TRDN: variants seen among roughly 807,000 people sequenced by gnomAD.
The protein encoded by TRDN is triadin in skeletal muscle.
A neutral mutation model predicts 149.7 loss-of-function variants in TRDN; 161 were observed. The ratio of observed to expected loss-of-function variants is 1.08; its 90% CI spans 0.95 to 1.23. TRDN has a LOEUF of 1.23. Among genes scored for constraint, TRDN ranks in the 50% most tolerant of loss-of-function variants. The pLI, the probability that TRDN is intolerant of heterozygous loss-of-function variation, is 0.00. For synonymous variants in TRDN, 294 were observed against 250.5 expected, an observed-to-expected ratio of 1.17 and a Z score of -1.64; for missense variants, 896 against 823.5, an observed-to-expected ratio of 1.09 and a Z score of -1.08.
intron 8 of TRDN, chr6:123,502,558 T>C (rs1165510252): frequency 1.4e-5 from 14 of 984,054 alleles, no homozygotes; most frequent in Non-Finnish European, 1.7e-5. Flanking sequence ...TACATGTGAA[T>C]CAAAGTTTAC....
intron 2 of TRDN, among the ~76,000 whole-genome samples, chr6:123,558,191 C>T (rs936720550): frequency 1.3e-5 from 2 of 152,016 alleles, no homozygotes; most frequent in African/African-American, 2.4e-5. Context: ...CTTTCCCTCC[C>T]GCCTGTCCCC....
At chr6:123,277,918 G>A (rs1263611976) in intron 26 of TRDN, among the ~76,000 whole-genome samples, 2 of 152,132 alleles carry the variant, frequency 1.3e-5, no homozygotes, top group East Asian at 3.8e-4. Flanking sequence ...ACAGTTGAGT[G>A]TTCTTTTGAA....
chr6:123,345,763 C>T (rs962952390), intron 21 of TRDN, among the ~76,000 whole-genome samples: 1 of 151,952 alleles, frequency 6.6e-6, no homozygotes, highest in Non-Finnish European at 1.5e-5. Context: ...AGGTCTTATA[C>T]ATAATTTAAA....
chr6:123,234,380 A>C (rs1020765201), intron 38 of TRDN, among the ~76,000 whole-genome samples: 1 of 152,122 alleles, frequency 6.6e-6, no homozygotes, highest in African/African-American at 2.4e-5. Flanking sequence ...ATATACACCC[A>C]TGTGTAGCCA....
intron 18 of TRDN, 84 bp from the exon 19 acceptor site, chr6:123,375,715 T>C: frequency 8.9e-7 from 1 of 1,128,846 alleles, no homozygotes. Flanking sequence ...GTTATCTTAA[T>C]TGTTTAAAGA....
At chr6:123,621,043 A>T (rs541817101) in intron 1 of TRDN, among the ~76,000 whole-genome samples, 202 of 152,204 alleles carry the variant, frequency 1.3e-3, no homozygotes, top group Non-Finnish European at 2.5e-3. Context: ...TTTTTTGTCC[A>T]CTGCTATTGG....
intron 1 of TRDN, 68 bp from the exon 2 acceptor site, chr6:123,571,200 C>G: frequency 6.6e-7 from 1 of 1,523,688 alleles, no homozygotes; most frequent in Non-Finnish European, 9.0e-7. Context: ...ATGAGAAACA[C>G]TGACTATATG....
chr6:123,388,467 G>T, intron 14 of TRDN, 55 bp downstream of exon 14: 2 of 1,557,444 alleles, frequency 1.3e-6, no homozygotes, highest in South Asian at 1.2e-5. Context: ...CCCAACTCAG[G>T]ATATTGGTAA....
At position 123,218,509 on chromosome 6, in the gene TRDN, T is replaced by C. The variant is rs1775023446; in HGVS notation, c.*92A>G. On this transcript the variant is annotated 3_prime_UTR_variant, in exon 41 of 41. Transcript: ENST00000334268. Reference sequence around the variant, plus strand: ...GCAAAATGTTTTCACAGAAATTCTCTGGGTTGCATATTCTTAATTGCCTGA... The same window carrying C: ...GCAAAATGTTTTCACAGAAATTCTCCGGGTTGCATATTCTTAATTGCCTGA... 2.8e-6 allele frequency: 4 copies of C among 1,434,704 alleles called. No individual in the cohort carries two copies. The highest frequency in any genetic ancestry group is 3.7e-6 in the Non-Finnish European group (4 of 1,068,748). The allele number at this position is 1,434,704 out of a possible 1,614,324, so 88.9% of individuals were successfully genotyped here.
rs573650078 is a variant in TRDN, at chr6:123,457,046, C to T, written c.931+7860G>A. On this transcript the variant is annotated intron_variant, in intron 10 of 40. Coordinates refer to ENST00000334268, the MANE Select transcript of TRDN (RefSeq NM_006073.4). ...AATTTGCTGACACAAGGAAGTTTCA[C>T]TTAGAATTCCATAACAAGAAAGAGA... Among the ~76,000 whole-genome samples, 20 of 152,314 alleles carry T rather than the reference C, an allele frequency of 1.3e-4. 1 individual carries two copies. In the East Asian group the frequency reaches 3.9e-3, roughly 29 times the overall value.
At chr6:123,616,029 TA>T (rs1785063791) in intron 1 of TRDN, among the ~76,000 whole-genome samples, 1 of 152,060 alleles carries the variant, frequency 6.6e-6, no homozygotes, top group African/African-American at 2.4e-5. Flanking sequence ...ATGTGTCAGT[TA>T]AAAATATATA....
intron 32 of TRDN, 130 bp downstream of exon 32, chr6:123,267,577 A>G (rs1362451405): frequency 3.6e-6 from 2 of 551,566 alleles, no homozygotes; most frequent in East Asian, 3.4e-5. Flanking sequence ...ACTAGATTAC[A>G]CTACAAAACC....
At chr6:123,288,642 T>C (rs550958081) in intron 24 of TRDN, among the ~76,000 whole-genome samples, 41 of 150,418 alleles carry the variant, frequency 2.7e-4, no homozygotes, top group African/African-American at 9.7e-4. Flanking sequence ...TTGACATTTC[T>C]AATCATGTGG....
intron 33 of TRDN, among the ~76,000 whole-genome samples, chr6:123,263,127 G>A (rs781270037): frequency 7.7e-4 from 117 of 152,042 alleles, no homozygotes; most frequent in Non-Finnish European, 2.4e-4. Context: ...AAATGCAAAG[G>A]AAAAGTTCTT....
intron 5 of TRDN, among the ~76,000 whole-genome samples, chr6:123,523,772 G>A (rs966444975): frequency 6.6e-6 from 1 of 152,112 alleles, no homozygotes; most frequent in African/African-American, 2.4e-5. Flanking sequence ...GTCTATGGCA[G>A]GAACTAAAAT....
intron 1 of TRDN, among the ~76,000 whole-genome samples, chr6:123,592,861 A>G (rs1184781529): frequency 6.6e-6 from 1 of 152,162 alleles, no homozygotes; most frequent in Non-Finnish European, 1.5e-5. Context: ...GTCTGCTTCT[A>G]TCTTAGAAAA....
chr6:123,280,144 TGGAAA>T (rs1261603031), intron 24 of TRDN, among the ~76,000 whole-genome samples: 3 of 152,044 alleles, frequency 2.0e-5, no homozygotes, highest in African/African-American at 7.2e-5. Context: ...GCTGGTAGTC[TGGAAA>T]GGCCAAGACA....
At chr6:123,320,177 T>C (rs915168299) in intron 23 of TRDN, among the ~76,000 whole-genome samples, 3 of 151,658 alleles carry the variant, frequency 2.0e-5, no homozygotes, top group Admixed American at 6.6e-5. Flanking sequence ...CTTTAGCACA[T>C]AGATATCTCA....
chr6:123,219,842 T>C (rs1775082312), intron 40 of TRDN, among the ~76,000 whole-genome samples: 1 of 151,732 alleles, frequency 6.6e-6, no homozygotes, highest in South Asian at 2.1e-4. Context: ...AGAGGGACAG[T>C]AGTAAAGCCG....
Sources: gnomAD v4.1 joint callset for allele counts (sites outside exome capture counted in the v4.1 genomes callset) on GRCh38, gnomAD v4.1.1 for gene constraint, MANE v1.5 for transcripts, NCBI Gene and HGNC (gene_info 2026-07-23, HGNC 2026-07-21) for gene names.